Variants in DNM3 observed in about 807,000 individuals in gnomAD.
The protein encoded by DNM3 is dynamin 3, also known as dynamin-3.
Under a neutral mutation model 101.6 loss-of-function variants are expected in DNM3, and 47 were observed. The observed-to-expected ratio is 0.46, with a 90% CI of 0.37 to 0.59. The LOEUF is 0.59. DNM3 is among the 20% of genes least tolerant of loss of function. The pLI is 0.00. For synonymous variants in DNM3, 385 were observed against 387.9 expected, an observed-to-expected ratio of 0.99 and a Z score of 0.09; for missense variants, 849 against 1,085.7, an observed-to-expected ratio of 0.78 and a Z score of 3.06.
At chr1:172,231,147 G>C (rs1319600836) in intron 14 of DNM3, among the ~76,000 whole-genome samples, 2 of 142,980 alleles carry the variant, frequency 1.4e-5, no homozygotes, top group South Asian at 2.6e-4. Flanking sequence ...GTGCCTCCCA[G>C]TTAGGCTACT....
chr1:172,388,720 A>G lies in DNM3; in HGVS notation c.2433A>G (p.Pro811=), dbSNP rs2069344136. ...GAPPVPFRPG[P]LPPFPSSSDS... The stretch of plus-strand genomic sequence containing the variant: ...CTCCAGTCCCATTCCGTCCAGGCCC[A>G]TTACCTCCTTTCCCCAGCAGCAGTG... The change falls in exon 20 of 21, where the codon CCA becomes CCG. Residue 811 remains proline (P), a synonymous_variant. Coordinates refer to ENST00000627582, the MANE Select transcript of DNM3 (RefSeq NM_015569.5). 9 of 1,613,414 alleles carry G rather than the reference A, an allele frequency of 5.6e-6. No homozygotes were observed. In the African/African-American group the frequency reaches 6.7e-5, roughly 12 times the overall value.
At chr1:172,244,391 A>G (rs2061867003) in intron 14 of DNM3, among the ~76,000 whole-genome samples, 1 of 152,146 alleles carries the variant, frequency 6.6e-6, no homozygotes, top group South Asian at 2.1e-4. Context: ...GCACAGCAAA[A>G]GAAACTAGCA....
intron 16 of DNM3, among the ~76,000 whole-genome samples, chr1:172,316,011 G>T (rs1315484564): frequency 6.6e-6 from 1 of 152,114 alleles, no homozygotes; most frequent in Non-Finnish European, 1.5e-5. Context: ...ACCCACAAAG[G>T]GAAGCCCATC....
chr1:171,987,866 C>A, intron 3 of DNM3, 61 bp downstream of exon 3: 2 of 1,435,634 alleles, frequency 1.4e-6, no homozygotes, highest in East Asian at 2.4e-5. Context: ...CATTAATTAA[C>A]ATACATCATT....
chr1:172,038,267 C>G, intron 6 of DNM3, 52 bp from the exon 7 acceptor site: 1 of 1,594,154 alleles, frequency 6.3e-7, no homozygotes. Context: ...AATCTTTAAT[C>G]TGTGTATATG....
Position 172,048,711 on chromosome 1 carries a change from A to G in DNM3, c.1296A>G (p.Ile432Met). 1 of 1,612,722 alleles carries G rather than the reference A, an allele frequency of 6.2e-7. No individual in the cohort carries two copies. Among genetic ancestry groups the G allele is most frequent in the Non-Finnish European group, 8.5e-7 (1 of 1,179,352 alleles). The change falls in exon 10 of 21, where the codon ATA (isoleucine) becomes ATG (methionine). Residue 432 changes from isoleucine to methionine, a missense_variant. Around this residue, in one of 5 missense-constraint regions of DNM3, gnomAD observed 193 missense variants for 238.4 expected, o/e 0.81. Transcript: ENST00000627582. The part of the protein sequence containing the change: ...GPSLKSVDLV[I>M]QELINTVKKC... ...CCTTGAAGAGTGTGGATCTGGTAAT[A>G]CAAGAATTAATCAACACTGTGAAGA...
intron 1 of DNM3, among the ~76,000 whole-genome samples, chr1:171,914,085 T>C (rs769030962): frequency 8.5e-5 from 13 of 152,222 alleles, no homozygotes; most frequent in Non-Finnish European, 1.5e-4. Context: ...CCACTGTGCA[T>C]GGCCAGAAAA....
At chr1:171,972,475 T>C (rs1488017850) in intron 2 of DNM3, among the ~76,000 whole-genome samples, 2 of 152,236 alleles carry the variant, frequency 1.3e-5, no homozygotes, top group African/African-American at 4.8e-5. Flanking sequence ...TAGGTTGTTT[T>C]GATAGGCATA....
intron 15 of DNM3, among the ~76,000 whole-genome samples, chr1:172,285,394 C>T (rs1317856789): frequency 1.3e-5 from 2 of 152,114 alleles, no homozygotes; most frequent in African/African-American, 4.8e-5. Flanking sequence ...CCCAATCTCA[C>T]TGAATGTTAG....
chr1:172,226,770 T>C (rs2061137501), intron 14 of DNM3, among the ~76,000 whole-genome samples: 1 of 152,150 alleles, frequency 6.6e-6, no homozygotes, highest in African/African-American at 2.4e-5. Flanking sequence ...TTATTTTCAG[T>C]TTTTCAGCGA....
At chr1:172,187,770 C>G (rs2059576459) in intron 14 of DNM3, among the ~76,000 whole-genome samples, 1 of 151,944 alleles carries the variant, frequency 6.6e-6, no homozygotes, top group African/African-American at 2.4e-5. Flanking sequence ...TTCTCCTTTC[C>G]TATTTTTCTT....
intron 16 of DNM3, among the ~76,000 whole-genome samples, chr1:172,319,616 A>C (rs2065590279): frequency 6.6e-6 from 1 of 152,236 alleles, no homozygotes; most frequent in Non-Finnish European, 1.5e-5. Context: ...ATGCAGCCAA[A>C]AGACACATGA....
intron 14 of DNM3, among the ~76,000 whole-genome samples, chr1:172,222,816 G>T (rs1295984157): frequency 6.6e-6 from 1 of 152,106 alleles, no homozygotes; most frequent in East Asian, 1.9e-4. Context: ...ACTAGTCAAA[G>T]ATCTCAGAAG....
Position 172,411,471 on chromosome 1 carries a change from G to A in DNM3, c.*3630G>A. 4 of 983,724 alleles carry A rather than the reference G, an allele frequency of 4.1e-6. No homozygotes were observed. Among genetic ancestry groups the A allele is most frequent in the Non-Finnish European group, 4.8e-6 (4 of 829,180 alleles). The allele number at this position is 983,724 out of a possible 1,614,324, so 60.9% of individuals were successfully genotyped here. ...CTAATTGGAATTATAAATTATTTTT[G>A]GATTGCTGAGCTGAATCTTAAAAAG... On this transcript the variant is annotated 3_prime_UTR_variant, in exon 21 of 21. Transcript: ENST00000627582.
At chr1:172,274,588 T>C (rs539615882) in intron 15 of DNM3, among the ~76,000 whole-genome samples, 19 of 152,138 alleles carry the variant, frequency 1.2e-4, no homozygotes, top group African/African-American at 4.3e-4. Flanking sequence ...TATTGAGCTG[T>C]TGGATTTTTT....
intron 1 of DNM3, among the ~76,000 whole-genome samples, chr1:171,875,850 C>T (rs4916406): frequency 0.45 from 56,567 of 125,200 alleles, 12,068 homozygotes; most frequent in Middle Eastern, 0.5. Context: ...ATCGTTCTGT[C>T]GCCAGGCTGG....
intron 17 of DNM3, among the ~76,000 whole-genome samples, chr1:172,353,971 T>A (rs895286564): frequency 6.6e-6 from 1 of 152,016 alleles, no homozygotes; most frequent in Non-Finnish European, 1.5e-5. Context: ...GCTTTCAGTT[T>A]CAACCTTTGA....
chr1:172,146,681 A>G (rs1404964888), intron 14 of DNM3, among the ~76,000 whole-genome samples: 2 of 152,158 alleles, frequency 1.3e-5, no homozygotes, highest in African/African-American at 4.8e-5. Flanking sequence ...GTTTACTCAC[A>G]TGAAGTCCTC....
At chr1:172,240,830 T>TA (rs151226170) in intron 14 of DNM3, among the ~76,000 whole-genome samples, 2,390 of 152,224 alleles carry the variant, frequency 0.016, 60 homozygotes, top group African/African-American at 0.054. Flanking sequence ...TTTCTTTTTT[T>TA]AAAAAATATA....
Sources: gnomAD v4.1 joint callset for allele counts (sites outside exome capture counted in the v4.1 genomes callset) on GRCh38, gnomAD v4.1.1 for gene constraint, gnomAD v4.1.1 regional missense constraint, MANE v1.5 for transcripts, NCBI Gene and HGNC (gene_info 2026-07-23, HGNC 2026-07-21) for gene names.